Variants in INPP4B observed in about 807,000 individuals in gnomAD.
The protein encoded by INPP4B is inositol polyphosphate 4-phosphatase type II.
A neutral mutation model predicts 122.5 loss-of-function variants in INPP4B; 55 were observed. The observed-to-expected ratio is 0.45, with a 90% confidence interval of 0.36 to 0.56. The LOEUF is 0.56. Ranked by LOEUF, INPP4B falls within the 20% of genes least tolerant of loss-of-function variation. The probability of loss-of-function intolerance (pLI) is 0.00; values close to 1 mark genes in which losing one functional copy is unlikely to be tolerated. For synonymous variants in INPP4B, 403 were observed against 388.7 expected (o/e 1.04, Z -0.43); for missense variants, 1,000 against 1,097.7 (o/e 0.91, Z 1.26).
intron 2 of INPP4B, among the ~76,000 whole-genome samples, chr4:142,501,708 C>T (rs1410640184): frequency 6.6e-6 from 1 of 151,858 alleles, no homozygotes; most frequent in Non-Finnish European, 1.5e-5. Context: ...TCTAAATAAG[C>T]AATTGAAGTG....
chr4:142,333,817 A>T (rs1775584016), intron 7 of INPP4B, among the ~76,000 whole-genome samples: 1 of 152,178 alleles, frequency 6.6e-6, no homozygotes, highest in Non-Finnish European at 1.5e-5. Context: ...CTGTGCAATG[A>T]TTACCACGAA....
At chr4:142,067,382 C>T (rs558887056) in intron 25 of INPP4B, among the ~76,000 whole-genome samples, 1 of 152,284 alleles carries the variant, frequency 6.6e-6, no homozygotes, top group African/African-American at 2.4e-5. Context: ...TAAACCAGAG[C>T]AGAAAAGCTG....
At chr4:142,818,624 G>T (rs372256521) in intron 1 of INPP4B, among the ~76,000 whole-genome samples, 2 of 151,930 alleles carry the variant, frequency 1.3e-5, no homozygotes, top group African/African-American at 2.4e-5. Context: ...AATTTTTGTG[G>T]CTAGTTGAGC....
chr4:142,508,164 C>T (rs1824252221), intron 2 of INPP4B, among the ~76,000 whole-genome samples: 1 of 152,172 alleles, frequency 6.6e-6, no homozygotes, highest in Non-Finnish European at 1.5e-5. Context: ...AGGAGCCTAA[C>T]TTCCACGAGC....
chr4:142,351,781 A>C (rs1782002027), intron 7 of INPP4B, among the ~76,000 whole-genome samples: 1 of 151,978 alleles, frequency 6.6e-6, no homozygotes, highest in South Asian at 2.1e-4. Flanking sequence ...CTTCAATTTC[A>C]ATAATTTCTA....
At chr4:142,134,950 G>A (rs1195335756) in intron 18 of INPP4B, among the ~76,000 whole-genome samples, 1 of 151,876 alleles carries the variant, frequency 6.6e-6, no homozygotes, top group Non-Finnish European at 1.5e-5. Flanking sequence ...GCCCTCTAGT[G>A]AAAAAGATTC....
At position 142,558,793 on chromosome 4, in the gene INPP4B, TAAAAAAA is replaced by T. The variant is rs34151070; in HGVS notation, c.-190-96074_-190-96068del. On this transcript the variant is annotated intron_variant, in intron 2 of 25. Transcript: ENST00000262992. ...CTGGGCGACAGAGCAAGACTCCCTC[TAAAAAAA>T]AAAAAAAAAAAAAAAAAAAAAAAGA... Among the ~76,000 whole-genome samples the T allele has an allele frequency of 7.1e-3, 539 of 75,510 alleles. 5 individuals are homozygous for T. The highest frequency in any genetic ancestry group is 0.026 in the African/African-American group (507 of 19,786). 49.5% of individuals were successfully genotyped at this position (75,510 alleles called of 152,430 possible). A position where few individuals can be genotyped will look rare whatever the true frequency, so the allele number is the denominator to read the frequency against.
At chr4:142,530,550 C>CATATATATATATATATATATATAT (rs35595178) in intron 2 of INPP4B, among the ~76,000 whole-genome samples, 1 of 140,446 alleles carries the variant, frequency 7.1e-6, no homozygotes, top group African/African-American at 2.7e-5. Flanking sequence ...TATGTGTGTG[C>CATATATATATATATATATATATAT]ATATATATAT....
intron 7 of INPP4B, among the ~76,000 whole-genome samples, chr4:142,391,609 C>CA (rs1046773697): frequency 4.2e-4 from 64 of 151,710 alleles, no homozygotes; most frequent in African/African-American, 1.1e-3. Flanking sequence ...AACAAACAAA[C>CA]AAAAAAAACC....
chr4:142,773,659 T>C (rs559765138), intron 1 of INPP4B, among the ~76,000 whole-genome samples: 1 of 152,346 alleles, frequency 6.6e-6, no homozygotes, highest in African/African-American at 2.4e-5. Context: ...TAATTTCATA[T>C]TCATTTCTGT....
At chr4:142,558,927 T>C (rs1192685145) in intron 2 of INPP4B, among the ~76,000 whole-genome samples, 5 of 151,558 alleles carry the variant, frequency 3.3e-5, no homozygotes, top group African/African-American at 9.7e-5. Context: ...AGCCTGGAAC[T>C]GATATATATC....
intron 16 of INPP4B, 143 bp from the exon 17 acceptor site, chr4:142,160,704 A>G: frequency 3.6e-6 from 2 of 551,432 alleles, no homozygotes; most frequent in Non-Finnish European, 6.3e-6. Flanking sequence ...AAAATGATTC[A>G]TACCAATCAA....
chr4:142,025,117 G>A lies in INPP4B; in HGVS notation c.*3665C>T, dbSNP rs1003745029. The A allele has an allele frequency of 1.3e-5, 2 of 151,686 alleles. No individual in the cohort carries two copies. The highest frequency in any genetic ancestry group is 4.8e-5 in the African/African-American group (2 of 41,276). 9.4% of individuals were successfully genotyped at this position (151,686 alleles called of 1,614,324 possible). On this transcript the variant is annotated 3_prime_UTR_variant, in exon 26 of 26. Coordinates refer to ENST00000262992, the MANE Select transcript of INPP4B (RefSeq NM_001101669.3). Reference sequence around the variant, plus strand: ...AGAATATGGCATTCATTGTGTGCTGGTAAATGCTCAACAATTGCCTTTCCA... The same window carrying A: ...AGAATATGGCATTCATTGTGTGCTGATAAATGCTCAACAATTGCCTTTCCA...
In INPP4B at chr4:142,173,825, T is replaced by C. The variant is rs1467447924; in HGVS notation, c.1182-16A>G. ...GTATCCGGTACTGCAACAACAAAGA[T>C]AAAAATAAGTTACACAAACAGCATA... On this transcript the variant is annotated splice_polypyrimidine_tract_variant and intron_variant, in intron 15 of 25. Transcript: ENST00000262992. The C allele has an allele frequency of 1.2e-6, 2 of 1,603,382 alleles. No individual in the cohort carries two copies. Among genetic ancestry groups the C allele is most frequent in the South Asian group, 2.2e-5 (2 of 90,674 alleles).
intron 2 of INPP4B, among the ~76,000 whole-genome samples, chr4:142,544,174 T>C (rs2150045073): frequency 7.2e-6 from 1 of 138,910 alleles, no homozygotes; most frequent in Admixed American, 7.3e-5. Flanking sequence ...CATAGTGGAC[T>C]GAGATCTGAC....
At chr4:142,616,923 C>T (rs934716288) in intron 2 of INPP4B, among the ~76,000 whole-genome samples, 5 of 151,970 alleles carry the variant, frequency 3.3e-5, no homozygotes, top group African/African-American at 1.2e-4. Flanking sequence ...ATAATAGACA[C>T]TGGAGACTCC....
intron 7 of INPP4B, among the ~76,000 whole-genome samples, chr4:142,369,007 GAGA>G (rs1265174589): frequency 6.6e-6 from 1 of 152,028 alleles, no homozygotes; most frequent in Non-Finnish European, 1.5e-5. Context: ...GGAGGAGGAG[GAGA>G]AGGAGGAAGA....
intron 1 of INPP4B, among the ~76,000 whole-genome samples, chr4:142,735,598 T>G (rs1766740120): frequency 6.6e-6 from 1 of 152,172 alleles, no homozygotes; most frequent in South Asian, 2.1e-4. Context: ...AAAAGTAAGA[T>G]TTGAAGGCAG....
At chr4:142,174,259 C>A (rs1404619134) in intron 15 of INPP4B, among the ~76,000 whole-genome samples, 1 of 152,142 alleles carries the variant, frequency 6.6e-6, no homozygotes, top group Non-Finnish European at 1.5e-5. Context: ...GGGCAGCCTT[C>A]TTCCTCATCA....
Sources: gnomAD v4.1 joint callset for allele counts (sites outside exome capture counted in the v4.1 genomes callset) on GRCh38, gnomAD v4.1.1 for gene constraint, MANE v1.5 for transcripts, NCBI Gene and HGNC (gene_info 2026-07-23, HGNC 2026-07-21) for gene names.